Variants in ABCA8 observed in about 807,000 individuals in gnomAD.
ABCA8 encodes ABC-type organic anion transporter ABCA8.
In ABCA8, 177 loss-of-function variants were observed where a neutral mutation model predicts 192.3. The observed-to-expected ratio is 0.92, with a 90% CI of 0.81 to 1.04. ABCA8 has a LOEUF of 1.04. Among genes scored for constraint, ABCA8 ranks in the 50% least tolerant of loss-of-function variants. ABCA8 has a pLI of 0.00. For missense variants in ABCA8, 1,915 were observed against 1,904.8 expected (o/e 1.01, Z -0.10); for synonymous variants, 642 against 690.2 (o/e 0.93, Z 1.09).
In ABCA8 at chr17:68,887,903, TATATCCA is replaced by T. The variant is rs1567830447; in HGVS notation, c.3145-404_3145-398del. On this transcript the variant is annotated intron_variant, in intron 24 of 39. Transcript: ENST00000586539. ...CTCCATATATATATATATATATATATATATCCATATATATATATATATTATATATGGA... is the reference window on the plus strand; with the variant it reads ...CTCCATATATATATATATATATATATTATATATATATATATTATATATGGA... Among the ~76,000 whole-genome samples the T allele has an allele frequency of 1.2e-4, 7 of 56,890 alleles. 1 individual carries two copies. Among genetic ancestry groups the T allele is most frequent in the Non-Finnish European group, 1.7e-4 (6 of 36,266 alleles). The allele number at this position is 56,890 out of a possible 152,430, so 37.3% of individuals were successfully genotyped here.
rs201428810 is a variant in ABCA8 at position 68,894,009 on chromosome 17, G to GA, written c.3036+163dup. On this transcript the variant is annotated intron_variant, in intron 23 of 39. Coordinates refer to ENST00000586539, the MANE Select transcript of ABCA8 (RefSeq NM_001288985.2). ...TTTACTTTAAACAAATTGAAGCTCT[G>GA]AAAACGTATTGATTTTCCAAAGTCA... 1.2e-3 allele frequency: 847 copies of GA among 731,936 alleles called. 7 individuals are homozygous for GA. The African/African-American group carries it at 0.014, about 12-fold the overall frequency. The allele number at this position is 731,936 out of a possible 1,614,324, so 45.3% of individuals were successfully genotyped here.
At chr17:68,921,536 T>C (rs780126396) in intron 12 of ABCA8, 44 bp from the exon 13 acceptor site, 2 of 1,309,938 alleles carry the variant, frequency 1.5e-6, no homozygotes, top group East Asian at 2.3e-5. Context: ...GATAAAGGGA[T>C]GGAAAACAAT....
intron 19 of ABCA8, among the ~76,000 whole-genome samples, chr17:68,904,717 G>C (rs1444443508): frequency 6.6e-6 from 1 of 152,104 alleles, no homozygotes; most frequent in African/African-American, 2.4e-5. Context: ...AAGTGCATAG[G>C]AACAGTACAG....
intron 10 of ABCA8, among the ~76,000 whole-genome samples, chr17:68,925,335 A>G (rs1001772961): frequency 6.6e-6 from 1 of 152,224 alleles, no homozygotes; most frequent in Non-Finnish European, 1.5e-5. Flanking sequence ...GAAAAAGAAC[A>G]CGATAAAATA....
chr17:68,929,323 G>A (rs2067793311), intron 8 of ABCA8, 89 bp from the exon 9 acceptor site: 1 of 1,174,528 alleles, frequency 8.5e-7, no homozygotes, highest in African/African-American at 1.6e-5. Context: ...TAGTTATTTT[G>A]TGTATGTAAC....
At position 68,933,179 on chromosome 17, in the gene ABCA8, C is replaced by A; in HGVS notation, c.559G>T (p.Ala187Ser). 6.2e-7 allele frequency: 1 copy of A among 1,609,646 alleles called. No homozygotes were observed. Among genetic ancestry groups the A allele is most frequent in the South Asian group, 1.1e-5 (1 of 90,886 alleles). The change falls in exon 6 of 40, where the codon GCT becomes TCT. Residue 187 changes from alanine (A) to serine (S), a missense_variant. Ala to Ser is a moderately conservative substitution (Grantham distance 99, BLOSUM62 1). Transcript: ENST00000586539. ...FVALQAAINA[A>S]IIEITTNHSV... ...CATTTTGTACTCACTTCTATAATAG[C>A]AGCATTAATGGCAGCTTGAAGAGCC...
Position 68,881,946 on chromosome 17 carries a change from T to G in ABCA8, c.3863A>C (p.Glu1288Ala). The change falls in exon 31 of 40, where the codon GAG (glutamate) becomes GCG (alanine). Residue 1288 changes from glutamate to alanine, a missense_variant. Physicochemically the swap from Glu to Ala is moderately radical, Grantham distance 107. Transcript: ENST00000586539. ...PVIIASCLRK[E>A]YAGKRKGCFS... ...ACAGCCTTTCCTCTTCCCTGCATAC[T>G]CCTTGCGTAGACAGCTGGCAATGAT... The G allele has an allele frequency of 6.2e-7, 1 of 1,614,130 alleles. No individual in the cohort carries two copies. The highest frequency in any genetic ancestry group is 8.5e-7 in the Non-Finnish European group (1 of 1,179,974).
At chr17:68,905,522 C>A (rs990920828) in intron 19 of ABCA8, among the ~76,000 whole-genome samples, 1 of 151,882 alleles carries the variant, frequency 6.6e-6, no homozygotes, top group Non-Finnish European at 1.5e-5. Context: ...TTATTATGTT[C>A]GGCTTCAAAA....
chr17:68,924,614 G>A, intron 11 of ABCA8, 87 bp downstream of exon 11: 13 of 1,440,170 alleles, frequency 9.0e-6, no homozygotes, highest in Non-Finnish European at 1.2e-5. Flanking sequence ...ACTGTCTACA[G>A]AGCACAAAAG....
intron 17 of ABCA8, among the ~76,000 whole-genome samples, chr17:68,916,387 A>C (rs982002370): frequency 9.2e-5 from 14 of 152,166 alleles, no homozygotes; most frequent in Non-Finnish European, 4.4e-5. Flanking sequence ...ATATAACTGG[A>C]ATGTTTGTAA....
chr17:68,918,480 C>T lies in ABCA8; in HGVS notation c.1855G>A (p.Gly619Ser). ...AAGGTTAGCTTTCTTTTCTGTCCACCACTTAAGTTTTGAGCAAGAACATCC... is the reference window on the plus strand; with the variant it reads ...AAGGTTAGCTTTCTTTTCTGTCCACTACTTAAGTTTTGAGCAAGAACATCC... ...IQDVLAQNLS[G>S]GQKRKLTFGI... The change falls in exon 15 of 40, where the codon GGT becomes AGT. Residue 619 changes from glycine (G) to serine (S), a missense_variant. Coordinates refer to ENST00000586539, the MANE Select transcript of ABCA8 (RefSeq NM_001288985.2). 1 of 1,556,606 alleles carries T rather than the reference C, an allele frequency of 6.4e-7. No homozygotes were observed. Among genetic ancestry groups the T allele is most frequent in the Non-Finnish European group, 8.6e-7 (1 of 1,156,316 alleles).
chr17:68,923,105 G>T (rs944243858), intron 11 of ABCA8, among the ~76,000 whole-genome samples: 3 of 151,930 alleles, frequency 2.0e-5, no homozygotes, highest in Non-Finnish European at 4.4e-5. Flanking sequence ...TAATCCATAG[G>T]CCAAATCAAA....
At chr17:68,880,188 G>C (rs1383055560) in intron 32 of ABCA8, 1 of 152,346 alleles carries the variant, frequency 6.6e-6, no homozygotes, top group Non-Finnish European at 1.5e-5. Flanking sequence ...GACTCAGCCA[G>C]ATTCACACAG....
In ABCA8 at chr17:68,885,261, G is replaced by A. The variant is rs1448336344; in HGVS notation, c.3484C>T (p.Pro1162Ser). 2.5e-6 allele frequency: 4 copies of A among 1,613,024 alleles called. No homozygotes were observed. In the South Asian group the frequency reaches 4.4e-5, roughly 18 times the overall value. ...FAFSIFESDIPFIFTFLIPPA... is the reference protein window; with the variant it reads ...FAFSIFESDISFIFTFLIPPA... ...GGTATTAAAAAAGTGAAGATAAATG[G>A]AATATCACTTTCGAAGATACTGAAC... The change falls in exon 27 of 40, where the codon CCA becomes TCA. Residue 1162 changes from proline to serine, a missense_variant. By Grantham distance (74) the Pro-to-Ser change is moderately conservative. Coordinates refer to ENST00000586539, the MANE Select transcript of ABCA8 (RefSeq NM_001288985.2).
At chr17:68,869,004 C>T (rs1485348901) in intron 38 of ABCA8, among the ~76,000 whole-genome samples, 2 of 152,092 alleles carry the variant, frequency 1.3e-5, no homozygotes, top group African/African-American at 4.8e-5. Flanking sequence ...ATTACTGTGA[C>T]CACAGATGCT....
At chr17:68,904,098 A>G (rs1361068680) in intron 19 of ABCA8, among the ~76,000 whole-genome samples, 2 of 151,920 alleles carry the variant, frequency 1.3e-5, no homozygotes, top group African/African-American at 2.4e-5. Context: ...AGATATAAGG[A>G]TCTTAAGATA....
intron 26 of ABCA8, 129 bp from the exon 27 acceptor site, chr17:68,885,444 T>G (rs777246279): frequency 2.0e-5 from 17 of 868,698 alleles, no homozygotes; most frequent in Non-Finnish European, 2.4e-5. Context: ...TCAGTATATC[T>G]CCATTAACAG....
At chr17:68,871,220 G>C (rs1241823953) in intron 37 of ABCA8, among the ~76,000 whole-genome samples, 2 of 152,084 alleles carry the variant, frequency 1.3e-5, no homozygotes, top group Non-Finnish European at 2.9e-5. Context: ...ACTCAAGAGA[G>C]AGCCAAACTG....
chr17:68,899,533 G>C (rs1170855039), intron 21 of ABCA8, among the ~76,000 whole-genome samples: 3 of 151,854 alleles, frequency 2.0e-5, no homozygotes, highest in African/African-American at 4.8e-5. Context: ...ATGATACAAG[G>C]GTCAAAACAG....
Sources: gnomAD v4.1 joint callset for allele counts (sites outside exome capture counted in the v4.1 genomes callset) on GRCh38, gnomAD v4.1.1 for gene constraint, MANE v1.5 for transcripts, NCBI Gene and HGNC (gene_info 2026-07-23, HGNC 2026-07-21) for gene names.